Variants in SECISBP2 observed in about 807,000 individuals in gnomAD.
SECISBP2 encodes the protein selenocysteine insertion sequence-binding protein 2.
In SECISBP2, 96 loss-of-function variants were observed where a neutral mutation model predicts 98.2. The observed-to-expected ratio is 0.98, with a 90% confidence interval of 0.83 to 1.16. The LOEUF is 1.16. Ranked by LOEUF, SECISBP2 falls within the 50% of genes most tolerant of loss-of-function variation. The probability of loss-of-function intolerance (pLI) is 0.00; values close to 1 mark genes in which losing one functional copy is unlikely to be tolerated. For missense variants in SECISBP2, 1,046 were observed against 1,022.9 expected, an observed-to-expected ratio of 1.02 and a Z score of -0.31; for synonymous variants, 407 against 370.2, an observed-to-expected ratio of 1.10 and a Z score of -1.14.
At chr9:89,321,522 C>T (rs907981177) in intron 2 of SECISBP2, among the ~76,000 whole-genome samples, 1 of 152,046 alleles carries the variant, frequency 6.6e-6, no homozygotes, top group Non-Finnish European at 1.5e-5. Context: ...CAAAAATTAG[C>T]CGGGTGTGGT....
chr9:89,321,785 G>A (rs1281913890), intron 2 of SECISBP2, among the ~76,000 whole-genome samples: 1 of 152,230 alleles, frequency 6.6e-6, no homozygotes, highest in East Asian at 1.9e-4. Flanking sequence ...AAGAGGAAGA[G>A]TTAGAAAGGA....
intron 2 of SECISBP2, chr9:89,322,949 A>G (rs1826065021): frequency 6.6e-6 from 1 of 152,170 alleles, no homozygotes; most frequent in Non-Finnish European, 1.5e-5. Flanking sequence ...AATCACTCCT[A>G]AATTTTGGAA....
rs550623016 is a variant in SECISBP2 at position 89,350,359 on chromosome 9, G to C, written c.1893-273G>C. Among the ~76,000 whole-genome samples, 344 of 152,338 alleles carry C rather than the reference G, an allele frequency of 2.3e-3. 1 individual carries two copies. Among genetic ancestry groups the C allele is most frequent in the Non-Finnish European group, 3.8e-3 (260 of 68,034 alleles). On this transcript the variant is annotated intron_variant, in intron 13 of 16. Transcript: ENST00000375807. Reference sequence around the variant, plus strand: ...TCTTTATGACAGGGAGATGCACGGGGTAGTGGCTGAGATGGGGACCTGTGG... The same window carrying C: ...TCTTTATGACAGGGAGATGCACGGGCTAGTGGCTGAGATGGGGACCTGTGG...
At chr9:89,349,628 C>T in intron 12 of SECISBP2, 148 bp from the exon 13 acceptor site, 2 of 861,006 alleles carry the variant, frequency 2.3e-6, no homozygotes, top group Non-Finnish European at 3.8e-6. Context: ...GTTTTTTCTG[C>T]CTTCTGTAAA....
intron 9 of SECISBP2, among the ~76,000 whole-genome samples, chr9:89,341,071 G>A (rs1829583326): frequency 6.6e-6 from 1 of 152,078 alleles, no homozygotes; most frequent in Non-Finnish European, 1.5e-5. Context: ...CTTGCCTGTA[G>A]ATGTGTATTG....
rs1829651036 is a variant in SECISBP2, at chr9:89,341,496, A to G, written c.1435+17A>G. ...TAGTCTCAGGTAAGAGAGTCTTTCC[A>G]TCTCAGGCAAGTGATTGGAAGTCTT... On this transcript the variant is annotated intron_variant, in intron 10 of 16. Transcript: ENST00000375807. 6.2e-7 allele frequency: 1 copy of G among 1,613,722 alleles called. No homozygotes were observed. The highest frequency in any genetic ancestry group is 1.7e-5 in the Admixed American group (1 of 60,000).
chr9:89,319,089 T>C (rs1156288923), intron 1 of SECISBP2: 25 of 977,828 alleles, frequency 2.6e-5, no homozygotes, highest in Non-Finnish European at 3.1e-5. Context: ...ACTACGTCAC[T>C]AAAAACTAAA....
intron 14 of SECISBP2, chr9:89,354,792 T>C: frequency 2.0e-6 from 2 of 985,290 alleles, no homozygotes; most frequent in Non-Finnish European, 1.2e-6. Flanking sequence ...TCAGATTCAC[T>C]CCCGGGAGCT....
intron 2 of SECISBP2, among the ~76,000 whole-genome samples, chr9:89,320,657 GTTC>G (rs1050623208): frequency 2.6e-5 from 4 of 152,134 alleles, no homozygotes; most frequent in African/African-American, 9.7e-5. Flanking sequence ...TCAGGCTTAA[GTTC>G]TTCTAAATTT....
chr9:89,341,795 A>C (rs546001081), intron 10 of SECISBP2, among the ~76,000 whole-genome samples: 1 of 152,236 alleles, frequency 6.6e-6, no homozygotes, highest in East Asian at 1.9e-4. Flanking sequence ...CATAGATCCA[A>C]ATGAACTCAA....
At position 89,336,081 on chromosome 9, in the gene SECISBP2, C is replaced by CTTTTTT. The variant is rs59799418; in HGVS notation, c.1089+1373_1089+1378dup. 2.8e-3 allele frequency among the ~76,000 whole-genome samples: 94 copies of CTTTTTT among 33,050 alleles called. 19 individuals carry two copies. The highest frequency in any genetic ancestry group is 0.024 in the East Asian group (33 of 1,352). The allele number at this position is 33,050 out of a possible 152,430, so 21.7% of individuals were successfully genotyped here. On this transcript the variant is annotated intron_variant, in intron 7 of 16. Transcript: ENST00000375807. ...TTTTTCCCTTAAGTAATTTTAAGTGCTTTTTTTTTTTTTTTTTTTTTTTTT... is the reference window on the plus strand; with the variant it reads ...TTTTTCCCTTAAGTAATTTTAAGTGCTTTTTTTTTTTTTTTTTTTTTTTTTTTTTTT...
At position 89,332,909 on chromosome 9, in the gene SECISBP2, G is replaced by T. The variant is rs750008078; in HGVS notation, c.803G>T (p.Gly268Val). 1 of 1,612,974 alleles carries T rather than the reference G, an allele frequency of 6.2e-7. No individual in the cohort carries two copies. Residue 268 changes from glycine (G) to valine (V), a missense_variant and splice_region_variant, in exon 6 of 17, where the codon GGT becomes GTT. Coordinates refer to ENST00000375807, the MANE Select transcript of SECISBP2 (RefSeq NM_024077.5). The stretch of plus-strand genomic sequence containing the variant: ...ACATCTAATGTGTTTGCTTTTTAGG[G>T]TGAAATAGTGGTGAAAAATAACCCA... Reference protein sequence around the residue: ...VVKPAAVLSKGEIVVKNNPNE... With the variant: ...VVKPAAVLSKVEIVVKNNPNE...
At chr9:89,318,730 G>T in intron 1 of SECISBP2, 118 bp downstream of exon 1, 1 of 1,236,140 alleles carries the variant, frequency 8.1e-7, no homozygotes, top group African/African-American at 1.6e-5. Context: ...GCTGGTGACG[G>T]CACGGGAGCG....
At chr9:89,363,584 G>T, downstream of SECISBP2, 1 of 1,608,032 alleles carries the variant, frequency 6.2e-7, no homozygotes. Context: ...TGGCACCCTT[G>T]ATGCCCACTG....
intron 14 of SECISBP2, chr9:89,354,938 C>T (rs1831840372): frequency 1.0e-6 from 1 of 985,410 alleles, no homozygotes. Context: ...CACTCCACCC[C>T]ACCTCTGCCC....
chr9:89,366,375 A>G, the SECISBP2 span, among the ~76,000 whole-genome samples: 1 of 152,246 alleles, frequency 6.6e-6, no homozygotes, highest in Non-Finnish European at 1.5e-5. Context: ...AATTTTTTAT[A>G]AAAGTGTTAC....
At chr9:89,351,614 G>T (rs1017573094) in intron 14 of SECISBP2, among the ~76,000 whole-genome samples, 12 of 152,158 alleles carry the variant, frequency 7.9e-5, no homozygotes, top group Non-Finnish European at 1.6e-4. Context: ...CCCACTTTGA[G>T]ATAATGCATC....
chr9:89,325,448 C>G lies in SECISBP2; in HGVS notation c.204C>G (p.Asp68Glu). Reference protein sequence around the residue: ...PVTEQKIYTEDMAFGASTFPP... With the variant: ...PVTEQKIYTEEMAFGASTFPP... Reference sequence around the variant, plus strand: ...TTAGGCAGAAAATATATACTGAAGACATGGCCTTTGGAGCTTCAACTTTTC... The same window carrying G: ...TTAGGCAGAAAATATATACTGAAGAGATGGCCTTTGGAGCTTCAACTTTTC... Residue 68 changes from aspartate (D) to glutamate (E), a missense_variant, in exon 3 of 17, where the codon GAC (aspartate) becomes GAG (glutamate). Coordinates refer to ENST00000375807, the MANE Select transcript of SECISBP2 (RefSeq NM_024077.5). 6.2e-7 allele frequency: 1 copy of G among 1,613,970 alleles called. No individual in the cohort carries two copies. Among genetic ancestry groups the G allele is most frequent in the East Asian group, 2.2e-5 (1 of 44,874 alleles).
chr9:89,353,384 G>A (rs945746057), intron 14 of SECISBP2, among the ~76,000 whole-genome samples: 1 of 152,154 alleles, frequency 6.6e-6, no homozygotes. Context: ...AGGGACAGGC[G>A]AACTTCACCC....
Sources: allele counts gnomAD v4.1 joint callset (sites outside exome capture counted in the v4.1 genomes callset), GRCh38; gene constraint gnomAD v4.1.1; transcripts MANE v1.5; gene names NCBI Gene and HGNC (gene_info 2026-07-23, HGNC 2026-07-21).